SDK2: variants seen among roughly 807,000 people sequenced by gnomAD.
The protein encoded by SDK2 is sidekick cell adhesion molecule 2.
In SDK2, 105 loss-of-function variants were observed where a neutral mutation model predicts 253.9. That is an observed-to-expected ratio of 0.41 (90% CI 0.35 to 0.49). SDK2 has a LOEUF of 0.49. Among genes scored for constraint, SDK2 ranks in the 20% least tolerant of loss-of-function variants. SDK2 has a pLI of 0.06. For missense variants in SDK2, 2,608 were observed against 3,003.0 expected (o/e 0.87, Z 3.07); for synonymous variants, 1,249 against 1,234.9 (o/e 1.01, Z -0.24).
intron 4 of SDK2, among the ~76,000 whole-genome samples, chr17:73,453,431 G>T (rs2063502724): frequency 6.7e-6 from 1 of 149,534 alleles, no homozygotes; most frequent in South Asian, 2.2e-4. Context: ...AGGCTAGAGT[G>T]CAGTGGTGCA....
intron 36 of SDK2, among the ~76,000 whole-genome samples, chr17:73,377,213 T>C (rs1282361739): frequency 3.3e-5 from 5 of 151,462 alleles, no homozygotes; most frequent in Non-Finnish European, 5.9e-5. Flanking sequence ...ACATTCCTTT[T>C]TTTTTTTTCT....
rs1487979285 is a variant in SDK2 at position 73,423,994 on chromosome 17, G to A, written c.1682C>T (p.Ser561Leu). 8.1e-6 allele frequency: 13 copies of A among 1,610,698 alleles called. No individual in the cohort carries two copies. The East Asian group carries it at 1.8e-4, about 22-fold the overall frequency. The change falls in exon 13 of 45, where the codon TCG (serine) becomes TTG (leucine). Residue 561 changes from serine (S) to leucine (L), a missense_variant. Coordinates refer to ENST00000392650, the MANE Select transcript of SDK2 (RefSeq NM_001144952.2). ...NGSLHISQTWSGDIGTYTCRV... is the reference protein window; with the variant it reads ...NGSLHISQTWLGDIGTYTCRV... ...GCAGGTGTACGTGCCGATGTCTCCC[G>A]ACCACGTCTGTGAGATGTGCAGGGA...
chr17:73,559,393 T>C (rs1423214465), intron 1 of SDK2, among the ~76,000 whole-genome samples: 1 of 152,198 alleles, frequency 6.6e-6, no homozygotes, highest in Non-Finnish European at 1.5e-5. Flanking sequence ...AGCAAGGAGT[T>C]GATAAATGGA....
At chr17:73,561,486 C>G (rs1477542399) in intron 1 of SDK2, among the ~76,000 whole-genome samples, 1 of 152,210 alleles carries the variant, frequency 6.6e-6, no homozygotes. Flanking sequence ...GGAGAAGGAG[C>G]AGTCAGCCGC....
intron 1 of SDK2, among the ~76,000 whole-genome samples, chr17:73,583,396 G>T (rs981615890): frequency 6.6e-6 from 1 of 152,084 alleles, no homozygotes; most frequent in African/African-American, 2.4e-5. Flanking sequence ...GGCTGCTGGG[G>T]GTCTGCTACG....
rs1222569144 is a variant in SDK2 at position 73,426,233 on chromosome 17, T to C, written c.1584-2141A>G. On this transcript the variant is annotated intron_variant, in intron 12 of 44. Coordinates refer to ENST00000392650, the MANE Select transcript of SDK2 (RefSeq NM_001144952.2). ...CTTTTTTTTTTTTTTTTTTTTTTTT[T>C]TTTCTGTATTTTTAGTAGAGACGGG... 2.0e-3 allele frequency among the ~76,000 whole-genome samples: 266 copies of C among 132,488 alleles called. 12 individuals carry two copies. The East Asian group carries it at 0.052, about 26-fold the overall frequency. The allele number at this position is 132,488 out of a possible 152,430, so 86.9% of individuals were successfully genotyped here.
At chr17:73,595,707 A>T (rs185873041) in intron 1 of SDK2, among the ~76,000 whole-genome samples, 3 of 152,202 alleles carry the variant, frequency 2.0e-5, no homozygotes, top group Admixed American at 2.0e-4. Context: ...CCCACTGGGA[A>T]CCAGCATGCA....
At position 73,350,355 on chromosome 17, in the gene SDK2, C is replaced by G; in HGVS notation, c.5920G>C (p.Ala1974Pro). 6.2e-7 allele frequency: 1 copy of G among 1,613,774 alleles called. No homozygotes were observed. The highest frequency in any genetic ancestry group is 1.7e-5 in the Admixed American group (1 of 59,974). The change falls in exon 43 of 45, where the codon GCC (alanine) becomes CCC (proline). Residue 1974 changes from alanine to proline, a missense_variant. Ala to Pro is a conservative substitution (Grantham distance 27, BLOSUM62 -1). Coordinates refer to ENST00000392650, the MANE Select transcript of SDK2 (RefSeq NM_001144952.2). ...CTCATCATCTCGCTGTGGCCTAGGG[C>G]TCCAGACTTGGCACTGTTCCCTGAA... ...TDSGNSAKSG[A>P]LGHSEMMSLD...
chr17:73,523,071 C>T (rs968954025), intron 1 of SDK2, among the ~76,000 whole-genome samples: 1 of 152,192 alleles, frequency 6.6e-6, no homozygotes, highest in Non-Finnish European at 1.5e-5. Context: ...GGAAAACCGA[C>T]GCAGAAGAGA....
At chr17:73,425,272 TA>T (rs1435583693) in intron 12 of SDK2, among the ~76,000 whole-genome samples, 1 of 151,288 alleles carries the variant, frequency 6.6e-6, no homozygotes, top group African/African-American at 2.4e-5. Context: ...AACAGAAAAG[TA>T]AAAAGTACGG....
chr17:73,552,075 C>A (rs552911867), intron 1 of SDK2, among the ~76,000 whole-genome samples: 1 of 152,196 alleles, frequency 6.6e-6, no homozygotes, highest in Non-Finnish European at 1.5e-5. Context: ...GCCTGCCCCC[C>A]ACCCCTCGGC....
chr17:73,368,432 G>A lies in SDK2; in HGVS notation c.5142C>T (p.Pro1714=), dbSNP rs914205310. 2.5e-6 allele frequency: 4 copies of A among 1,588,546 alleles called. No individual in the cohort carries two copies. In the African/African-American group the frequency reaches 4.0e-5, roughly 16 times the overall value. ...CTGCTTGCTGGGTCTGGCCTTGGGT[G>A]GGGGTGCTCCGAGGCCCATCCCCAG... ...NAAGDGPRST[P]TQGQTQQAAP... The change falls in exon 37 of 45, where the codon CCC becomes CCT. Residue 1714 remains proline (P), a synonymous_variant. Transcript: ENST00000392650.
chr17:73,404,189 A>C (rs1320938192), intron 18 of SDK2, among the ~76,000 whole-genome samples: 1 of 152,204 alleles, frequency 6.6e-6, no homozygotes, highest in Non-Finnish European at 1.5e-5. Flanking sequence ...CTACAGCTTG[A>C]CGCCTGGATC....
chr17:73,578,331 C>T (rs1299555232), intron 1 of SDK2, among the ~76,000 whole-genome samples: 3 of 152,182 alleles, frequency 2.0e-5, no homozygotes, highest in East Asian at 3.9e-4. Context: ...TCCCAAAGTG[C>T]TGGGATTACA....
intron 1 of SDK2, among the ~76,000 whole-genome samples, chr17:73,597,278 G>A (rs555910090): frequency 2.0e-5 from 3 of 152,298 alleles, no homozygotes; most frequent in South Asian, 2.1e-4. Flanking sequence ...TGCCCTGGGT[G>A]GAAGATGAGA....
chr17:73,572,222 T>A (rs2145869349), intron 1 of SDK2, among the ~76,000 whole-genome samples: 1 of 152,258 alleles, frequency 6.6e-6, no homozygotes, highest in Non-Finnish European at 1.5e-5. Flanking sequence ...GTTGTCCTCA[T>A]CTAAGTGGGG....
chr17:73,356,411 G>A (rs374073195), intron 40 of SDK2, among the ~76,000 whole-genome samples: 2 of 152,168 alleles, frequency 1.3e-5, no homozygotes, highest in Non-Finnish European at 2.9e-5. Context: ...TGTGCAGGAC[G>A]GGTTCCTGGG....
chr17:73,571,850 G>C (rs903185499), intron 1 of SDK2, among the ~76,000 whole-genome samples: 6 of 152,134 alleles, frequency 3.9e-5, no homozygotes, highest in African/African-American at 1.4e-4. Flanking sequence ...AGCCTGCAGG[G>C]GCCCAGGGAC....
intron 3 of SDK2, among the ~76,000 whole-genome samples, chr17:73,463,274 G>T (rs1029413605): frequency 6.6e-6 from 1 of 152,186 alleles, no homozygotes; most frequent in Non-Finnish European, 1.5e-5. Flanking sequence ...ACAGTAGAAG[G>T]TGCTGAAAAT....
Sources: allele counts gnomAD v4.1 joint callset (sites outside exome capture counted in the v4.1 genomes callset), GRCh38; gene constraint gnomAD v4.1.1; transcripts MANE v1.5; gene names NCBI Gene and HGNC (gene_info 2026-07-23, HGNC 2026-07-21).